IL1RAP: variants seen among roughly 807,000 people sequenced by gnomAD.
The protein encoded by IL1RAP is interleukin 1 receptor accessory protein.
In IL1RAP, 35 loss-of-function variants were observed where a neutral mutation model predicts 60.7. The observed-to-expected ratio is 0.58, with a 90% CI of 0.44 to 0.76. IL1RAP has a LOEUF of 0.76. IL1RAP is among the 30% of genes least tolerant of loss of function. The pLI, the probability that IL1RAP is intolerant of heterozygous loss-of-function variation, is 0.00. For synonymous variants in IL1RAP, 268 were observed against 250.9 expected (o/e 1.07, Z -0.64); for missense variants, 572 against 693.9 (o/e 0.82, Z 1.97).
downstream of IL1RAP, chr3:190,656,111 G>T: frequency 1.3e-6 from 2 of 1,537,346 alleles, no homozygotes; most frequent in South Asian, 1.2e-5. Context: ...TCTTTTGTGA[G>T]CTGGAAGGGA....
chr3:190,644,371 A>G lies in IL1RAP; in HGVS notation c.1175A>G (p.His392Arg). Residue 392 changes from histidine (H) to arginine (R), a missense_variant, in exon 10 of 12, where the codon CAT becomes CGT. Transcript: ENST00000447382. ...GAGATGGTCCTATTTTACCGGGCTC[A>G]TTTTGGAACAGATGAAACCATTTTA... is the stretch of plus-strand genomic sequence containing the variant. ...WLEMVLFYRAHFGTDETILDG... is the reference protein window; with the variant it reads ...WLEMVLFYRARFGTDETILDG... The G allele has an allele frequency of 6.2e-7, 1 of 1,613,994 alleles. No homozygotes were observed. The highest frequency in any genetic ancestry group is 1.6e-4 in the Middle Eastern group (1 of 6,062).
At chr3:190,584,911 T>A (rs1333541582) in intron 3 of IL1RAP, among the ~76,000 whole-genome samples, 1 of 152,142 alleles carries the variant, frequency 6.6e-6, no homozygotes, top group African/African-American at 2.4e-5. Flanking sequence ...ACAGTGGGGA[T>A]CTAGGAAGAT....
intron 9 of IL1RAP, among the ~76,000 whole-genome samples, chr3:190,638,333 T>C (rs920166784): frequency 1.3e-5 from 2 of 152,188 alleles, no homozygotes; most frequent in African/African-American, 2.4e-5. Flanking sequence ...TATCTTACTG[T>C]AGTTTAATTC....
intron 9 of IL1RAP, among the ~76,000 whole-genome samples, chr3:190,638,061 T>C (rs181609511): frequency 6.6e-6 from 1 of 152,216 alleles, no homozygotes; most frequent in Non-Finnish European, 1.5e-5. Flanking sequence ...AACATTTGGG[T>C]TGTTATCAGT....
At chr3:190,631,051 T>TA (rs899550522) in intron 9 of IL1RAP, among the ~76,000 whole-genome samples, 1 of 152,292 alleles carries the variant, frequency 6.6e-6, no homozygotes, top group South Asian at 2.1e-4. Flanking sequence ...GTCTGGATTT[T>TA]AAAAAATCAA....
chr3:190,656,228 A>T (rs1436962309), downstream of IL1RAP: 1 of 1,537,132 alleles, frequency 6.5e-7, no homozygotes, highest in African/African-American at 1.4e-5. Context: ...TGCTCTTCCC[A>T]GTCTGACATC....
intron 1 of IL1RAP, among the ~76,000 whole-genome samples, chr3:190,535,481 G>T (rs902992565): frequency 1.3e-5 from 2 of 152,142 alleles, no homozygotes; most frequent in Admixed American, 6.5e-5. Flanking sequence ...CCAACAATTA[G>T]TGCTATTTTT....
intron 3 of IL1RAP, among the ~76,000 whole-genome samples, chr3:190,592,078 G>T (rs1477593287): frequency 6.6e-6 from 1 of 152,182 alleles, no homozygotes; most frequent in Non-Finnish European, 1.5e-5. Flanking sequence ...GGAGTGCAGT[G>T]GTGCGATCTC....
At chr3:190,559,761 T>C (rs928210440) in intron 2 of IL1RAP, among the ~76,000 whole-genome samples, 1 of 152,230 alleles carries the variant, frequency 6.6e-6, no homozygotes, top group Non-Finnish European at 1.5e-5. Context: ...CTTTTAAATT[T>C]GTTAAAATTT....
chr3:190,601,422 T>C (rs1729850178), intron 3 of IL1RAP, among the ~76,000 whole-genome samples: 1 of 152,244 alleles, frequency 6.6e-6, no homozygotes, highest in South Asian at 2.1e-4. Flanking sequence ...TTTTTCCAAT[T>C]ATTTCTCTGT....
chr3:190,641,951 C>T, intron 9 of IL1RAP, among the ~76,000 whole-genome samples: 1 of 152,086 alleles, frequency 6.6e-6, no homozygotes. Flanking sequence ...TTTTAAGGTG[C>T]CATTATTCAT....
intron 3 of IL1RAP, among the ~76,000 whole-genome samples, chr3:190,576,397 C>T (rs997630595): frequency 2.0e-5 from 3 of 151,836 alleles, no homozygotes; most frequent in Admixed American, 6.6e-5. Context: ...CACACACACA[C>T]GCACATTTTA....
chr3:190,584,251 C>T (rs1436107373), intron 3 of IL1RAP, among the ~76,000 whole-genome samples: 2 of 152,178 alleles, frequency 1.3e-5, no homozygotes, highest in African/African-American at 4.8e-5. Flanking sequence ...GGATATACCA[C>T]TGTTGTTTAT....
At chr3:190,579,031 T>C (rs749007702) in intron 3 of IL1RAP, among the ~76,000 whole-genome samples, 16 of 152,224 alleles carry the variant, frequency 1.1e-4, no homozygotes, top group Non-Finnish European at 2.1e-4. Context: ...TAAACCTATC[T>C]ATACACCCTG....
chr3:190,546,851 G>A (rs180791407), intron 1 of IL1RAP, among the ~76,000 whole-genome samples: 8 of 152,328 alleles, frequency 5.3e-5, no homozygotes, highest in African/African-American at 1.4e-4. Flanking sequence ...CACATTTAGC[G>A]TAAGGGCTCC....
chr3:190,651,720 A>C (rs1734408302), downstream of IL1RAP, among the ~76,000 whole-genome samples: 1 of 152,170 alleles, frequency 6.6e-6, no homozygotes, highest in Non-Finnish European at 1.5e-5. Flanking sequence ...TTACTTAAGT[A>C]AAATGAATTG....
intron 3 of IL1RAP, among the ~76,000 whole-genome samples, chr3:190,581,336 A>G (rs773743703): frequency 6.6e-6 from 1 of 152,220 alleles, no homozygotes; most frequent in Non-Finnish European, 1.5e-5. Flanking sequence ...GAATGAATCT[A>G]AAGTTTTCTG....
At chr3:190,547,508 A>G (rs1181414940) in intron 1 of IL1RAP, among the ~76,000 whole-genome samples, 10 of 152,228 alleles carry the variant, frequency 6.6e-5, no homozygotes, top group Admixed American at 6.5e-4. Context: ...CAGAAACATG[A>G]TATTTCTTTA....
chr3:190,549,950 G>T (rs1340691469), intron 1 of IL1RAP, among the ~76,000 whole-genome samples: 1 of 152,206 alleles, frequency 6.6e-6, no homozygotes. Context: ...AGGGGAGCAG[G>T]CATCCCTGGT....
Sources: gnomAD v4.1 joint callset for allele counts (sites outside exome capture counted in the v4.1 genomes callset) on GRCh38, gnomAD v4.1.1 for gene constraint, MANE v1.5 for transcripts, NCBI Gene and HGNC (gene_info 2026-07-23, HGNC 2026-07-21) for gene names.